Variants in DIP2C observed in about 807,000 individuals in gnomAD.
The protein encoded by DIP2C is disco-interacting protein 2 homolog C.
Under a neutral mutation model 192.4 loss-of-function variants are expected in DIP2C, and 33 were observed. That is an observed-to-expected ratio of 0.17 (90% CI 0.13 to 0.23). DIP2C has a LOEUF of 0.23. DIP2C is among the 10% of genes least tolerant of loss of function. The probability of loss-of-function intolerance (pLI) is 1.00; values close to 1 mark genes in which losing one functional copy is unlikely to be tolerated. For synonymous variants in DIP2C, 979 were observed against 864.1 expected (o/e 1.13, Z -2.33); for missense variants, 1,537 against 2,110.1 (o/e 0.73, Z 5.32).
At chr10:427,830 A>G (rs1966693296) in intron 4 of DIP2C, among the ~76,000 whole-genome samples, 1 of 152,246 alleles carries the variant, frequency 6.6e-6, no homozygotes, top group Non-Finnish European at 1.5e-5. Context: ...AAAATGGTAC[A>G]GCTATTTTGT....
intron 1 of DIP2C, among the ~76,000 whole-genome samples, chr10:613,397 C>T (rs954788357): frequency 6.6e-6 from 1 of 152,282 alleles, no homozygotes; most frequent in East Asian, 1.9e-4. Context: ...ATGTCTGGAA[C>T]GTGCCTGCCA....
chr10:424,117 T>C (rs1446086321), intron 4 of DIP2C, among the ~76,000 whole-genome samples: 2 of 152,282 alleles, frequency 1.3e-5, no homozygotes, highest in Non-Finnish European at 2.9e-5. Context: ...GAATCCTACC[T>C]CCAGGTGAGT....
intron 24 of DIP2C, among the ~76,000 whole-genome samples, chr10:350,105 T>C (rs1459076935): frequency 6.6e-6 from 1 of 152,186 alleles, no homozygotes; most frequent in African/African-American, 2.4e-5. Context: ...CGCTGTTTTT[T>C]GAGACAGGGT....
chr10:606,834 G>A (rs1022458241), intron 1 of DIP2C, among the ~76,000 whole-genome samples: 7 of 151,846 alleles, frequency 4.6e-5, no homozygotes, highest in Non-Finnish European at 8.8e-5. Flanking sequence ...CTGACATCTG[G>A]TGGGCGTCAG....
chr10:614,649 G>A (rs1350157937), intron 1 of DIP2C, among the ~76,000 whole-genome samples: 2 of 152,262 alleles, frequency 1.3e-5, no homozygotes, highest in East Asian at 3.8e-4. Context: ...TGGCCACTGG[G>A]CCTGAAGGGC....
At chr10:425,690 G>A (rs940147308) in intron 4 of DIP2C, among the ~76,000 whole-genome samples, 14 of 152,232 alleles carry the variant, frequency 9.2e-5, no homozygotes, top group South Asian at 8.3e-4. Flanking sequence ...GACCAGCGGT[G>A]ACTAGAAGTA....
At chr10:567,952 A>G (rs1441292982) in intron 1 of DIP2C, among the ~76,000 whole-genome samples, 1 of 152,196 alleles carries the variant, frequency 6.6e-6, no homozygotes, top group Non-Finnish European at 1.5e-5. Context: ...ATAGAGGCTG[A>G]GGGGAGGCTC....
chr10:504,107 T>A (rs1845427678), intron 1 of DIP2C, among the ~76,000 whole-genome samples: 1 of 152,230 alleles, frequency 6.6e-6, no homozygotes, highest in African/African-American at 2.4e-5. Context: ...AGGTGGTAAC[T>A]GCAGCCTTCA....
chr10:331,420 G>C (rs1438331769), intron 29 of DIP2C, among the ~76,000 whole-genome samples: 2 of 152,136 alleles, frequency 1.3e-5, no homozygotes, highest in East Asian at 3.9e-4. Context: ...TTTTCAAAAG[G>C]ACACATAGCC....
At chr10:306,417 A>G (rs1307699022) in intron 32 of DIP2C, among the ~76,000 whole-genome samples, 1 of 152,192 alleles carries the variant, frequency 6.6e-6, no homozygotes, top group African/African-American at 2.4e-5. Context: ...GCGTGTGCAC[A>G]TTCATATTCT....
chr10:536,989 A>G (rs1048592541), intron 1 of DIP2C, among the ~76,000 whole-genome samples: 2 of 152,194 alleles, frequency 1.3e-5, no homozygotes, highest in Non-Finnish European at 2.9e-5. Flanking sequence ...TGAACAAAAG[A>G]AGGTGGGCAT....
chr10:500,125 G>A (rs941103162), intron 1 of DIP2C, among the ~76,000 whole-genome samples: 19 of 152,232 alleles, frequency 1.2e-4, no homozygotes, highest in Non-Finnish European at 2.8e-4. Context: ...GGGTTCAGCT[G>A]GGCCCTCCCC....
chr10:578,228 G>T (rs934924856), intron 1 of DIP2C, among the ~76,000 whole-genome samples: 3 of 152,138 alleles, frequency 2.0e-5, no homozygotes, highest in Non-Finnish European at 2.9e-5. Flanking sequence ...AGAAGATACT[G>T]CATTTGTCAT....
intron 1 of DIP2C, among the ~76,000 whole-genome samples, chr10:579,812 A>G (rs991898121): frequency 6.6e-6 from 1 of 150,528 alleles, no homozygotes; most frequent in Non-Finnish European, 1.5e-5. Flanking sequence ...TAGGTACACT[A>G]TAATGTGTAC....
chr10:355,486 CT>C (rs909756409), intron 24 of DIP2C, among the ~76,000 whole-genome samples: 1 of 152,208 alleles, frequency 6.6e-6, no homozygotes, highest in African/African-American at 2.4e-5. Context: ...ACAGCCATGA[CT>C]TTTTGAAGAG....
intron 1 of DIP2C, among the ~76,000 whole-genome samples, chr10:579,127 A>C (rs1850391761): frequency 2.7e-5 from 4 of 150,614 alleles, no homozygotes; most frequent in Admixed American, 2.6e-4. Context: ...AGGTACACTA[A>C]CATGTGTACA....
intron 1 of DIP2C, among the ~76,000 whole-genome samples, chr10:507,202 A>C (rs1029342002): frequency 2.0e-5 from 3 of 150,342 alleles, no homozygotes; most frequent in African/African-American, 7.4e-5. Context: ...GAAGCTTTTG[A>C]GGTTAGGGAC....
chr10:446,721 G>A (rs563899879), intron 3 of DIP2C, among the ~76,000 whole-genome samples: 8 of 152,188 alleles, frequency 5.3e-5, no homozygotes, highest in Admixed American at 5.2e-4. Flanking sequence ...TTTCAGGAAG[G>A]GCCCTTATCA....
At chr10:534,966 G>T (rs866032037) in intron 1 of DIP2C, among the ~76,000 whole-genome samples, 1 of 152,092 alleles carries the variant, frequency 6.6e-6, no homozygotes, top group African/African-American at 2.4e-5. Context: ...GTGAGCCACC[G>T]CGCCCGGCCT....
Sources: allele counts gnomAD v4.1 joint callset (sites outside exome capture counted in the v4.1 genomes callset), GRCh38; gene constraint gnomAD v4.1.1; transcripts MANE v1.5; gene names NCBI Gene and HGNC (gene_info 2026-07-23, HGNC 2026-07-21).